ZBTB16: variants seen among roughly 807,000 people sequenced by gnomAD.
The protein encoded by ZBTB16 is zinc finger and BTB domain-containing protein 16.
ZBTB16 carries 8 observed loss-of-function variants against 56.8 expected under a neutral mutation model. The observed-to-expected ratio is 0.14, with a 90% CI of 0.08 to 0.25. ZBTB16 has a LOEUF of 0.25. ZBTB16 is among the 10% of genes least tolerant of loss of function. The pLI, the probability that ZBTB16 is intolerant of heterozygous loss-of-function variation, is 1.00. For synonymous variants in ZBTB16, 363 were observed against 368.5 expected (o/e 0.98, Z 0.17); for missense variants, 625 against 903.0 (o/e 0.69, Z 3.95).
chr11:114,237,537 G>T (rs1243022282), intron 4 of ZBTB16, among the ~76,000 whole-genome samples: 1 of 152,160 alleles, frequency 6.6e-6, no homozygotes, highest in Non-Finnish European at 1.5e-5. Context: ...GTGCTGCCGG[G>T]CCCCCCTGCC....
intron 4 of ZBTB16, among the ~76,000 whole-genome samples, chr11:114,208,677 G>A (rs1250697596): frequency 3.3e-5 from 5 of 152,058 alleles, no homozygotes; most frequent in East Asian, 3.9e-4. Context: ...CTTTTCTTCC[G>A]TTGGCTTCTT....
chr11:114,131,099 G>T (rs1361307694), intron 2 of ZBTB16, among the ~76,000 whole-genome samples: 2 of 152,194 alleles, frequency 1.3e-5, no homozygotes, highest in Non-Finnish European at 2.9e-5. Flanking sequence ...AACTAGCTTG[G>T]ATTCATGTTT....
intron 2 of ZBTB16, among the ~76,000 whole-genome samples, chr11:114,077,566 AAGC>A: frequency 6.6e-6 from 1 of 152,250 alleles, no homozygotes; most frequent in East Asian, 1.9e-4. Context: ...AGCCTGAACT[AAGC>A]ACGTTCCAGT....
chr11:114,214,083 A>G (rs544435214), intron 4 of ZBTB16, among the ~76,000 whole-genome samples: 1 of 152,336 alleles, frequency 6.6e-6, no homozygotes, highest in East Asian at 1.9e-4. Context: ...CTGTGTAATC[A>G]GATGCCAGCC....
At chr11:114,147,890 G>A (rs1012210940) in intron 2 of ZBTB16, among the ~76,000 whole-genome samples, 2 of 152,160 alleles carry the variant, frequency 1.3e-5, no homozygotes, top group Non-Finnish European at 2.9e-5. Flanking sequence ...CTAAGACCTT[G>A]TTGAAAGAGA....
Position 114,251,256 on chromosome 11 carries a change from C to A in ZBTB16, c.*701C>A, listed in dbSNP as rs1231038803. On this transcript the variant is annotated 3_prime_UTR_variant, in exon 7 of 7. Transcript: ENST00000335953. ...TCCAAGTCCCAGGGGAGTCCCAGCC[C>A]CTCAGGGACCTGGCGGTGTCTCCAT... Among the ~76,000 whole-genome samples, 1 of 152,120 alleles carries A rather than the reference C, an allele frequency of 6.6e-6. No homozygotes were observed. The highest frequency in any genetic ancestry group is 1.5e-5 in the Non-Finnish European group (1 of 68,026).
At chr11:114,119,972 C>A (rs1171647065) in intron 2 of ZBTB16, among the ~76,000 whole-genome samples, 1 of 152,120 alleles carries the variant, frequency 6.6e-6, no homozygotes, top group Admixed American at 6.5e-5. Context: ...AGACTGAGCG[C>A]CTTTCTTAGA....
At chr11:114,067,959 A>G (rs1368059197) in intron 2 of ZBTB16, among the ~76,000 whole-genome samples, 1 of 148,608 alleles carries the variant, frequency 6.7e-6, no homozygotes, top group African/African-American at 2.5e-5. Flanking sequence ...CCTTTTTTCT[A>G]CTGTTCTCTG....
intron 4 of ZBTB16, chr11:114,211,020 C>A (rs143196652): frequency 5.8e-6 from 1 of 171,156 alleles, no homozygotes; most frequent in African/African-American, 2.4e-5. Context: ...TGGGTTCAAG[C>A]GATTCTCCTG....
intron 2 of ZBTB16, among the ~76,000 whole-genome samples, chr11:114,093,031 A>G (rs1032827404): frequency 1.3e-5 from 2 of 152,196 alleles, no homozygotes; most frequent in Non-Finnish European, 2.9e-5. Flanking sequence ...CCTTTTAAAG[A>G]AGATTAAAAA....
At chr11:114,153,829 T>G (rs1012367409) in intron 2 of ZBTB16, among the ~76,000 whole-genome samples, 10 of 152,244 alleles carry the variant, frequency 6.6e-5, no homozygotes, top group African/African-American at 2.4e-4. Flanking sequence ...ATATTTGATG[T>G]GATCTTCATC....
chr11:114,137,388 G>T (rs1390013443), intron 2 of ZBTB16, among the ~76,000 whole-genome samples: 1 of 152,206 alleles, frequency 6.6e-6, no homozygotes, highest in Non-Finnish European at 1.5e-5. Context: ...TCTTGGGAAA[G>T]AAATGGAAGT....
chr11:114,068,835 T>C (rs1939222527), intron 2 of ZBTB16, among the ~76,000 whole-genome samples: 1 of 152,224 alleles, frequency 6.6e-6, no homozygotes, highest in Non-Finnish European at 1.5e-5. Flanking sequence ...CAGGAGCACC[T>C]GATCATTCTC....
chr11:114,209,240 T>A (rs1943949702), intron 4 of ZBTB16: 2 of 331,380 alleles, frequency 6.0e-6, no homozygotes, highest in Admixed American at 1.3e-4. Flanking sequence ...CAAAGCTGCT[T>A]TGGGGTGCAC....
At chr11:114,195,080 G>A (rs1448876091) in intron 4 of ZBTB16, among the ~76,000 whole-genome samples, 1 of 152,124 alleles carries the variant, frequency 6.6e-6, no homozygotes. Flanking sequence ...ATTAGGAGTG[G>A]GTTTTACAAA....
chr11:114,205,404 C>A (rs1414581470), intron 4 of ZBTB16, among the ~76,000 whole-genome samples: 1 of 147,546 alleles, frequency 6.8e-6, no homozygotes, highest in Non-Finnish European at 1.5e-5. Flanking sequence ...AGTGAGACTC[C>A]GTCTCAAAAA....
At chr11:114,187,360 T>C (rs1943385899) in intron 4 of ZBTB16, 2 of 378,938 alleles carry the variant, frequency 5.3e-6, no homozygotes, top group Non-Finnish European at 9.8e-6. Flanking sequence ...TGTGTTGTTA[T>C]CAAAACATCT....
At chr11:114,127,009 G>C (rs1480116397) in intron 2 of ZBTB16, among the ~76,000 whole-genome samples, 1 of 152,108 alleles carries the variant, frequency 6.6e-6, no homozygotes, top group African/African-American at 2.4e-5. Flanking sequence ...TCTTTCATTG[G>C]AGCAGAGGTT....
chr11:114,095,525 GC>G (rs555844687), intron 2 of ZBTB16, among the ~76,000 whole-genome samples: 12 of 152,166 alleles, frequency 7.9e-5, no homozygotes, highest in Non-Finnish European at 1.6e-4. Context: ...CTCCCACAGT[GC>G]TGGGATTACA....
Sources: gnomAD v4.1 joint callset for allele counts (sites outside exome capture counted in the v4.1 genomes callset) on GRCh38, gnomAD v4.1.1 for gene constraint, MANE v1.5 for transcripts, NCBI Gene and HGNC (gene_info 2026-07-23, HGNC 2026-07-21) for gene names.